Variants in AGAP1 observed in about 807,000 individuals in gnomAD.
AGAP1 encodes ArfGAP with GTPase domain, ankyrin repeat and PH domain 1.
Under a neutral mutation model 105.3 loss-of-function variants are expected in AGAP1, and 29 were observed. That is an observed-to-expected ratio of 0.28 (90% confidence interval 0.21 to 0.38). The LOEUF (loss-of-function observed/expected upper bound fraction) is 0.38, where lower values mean the gene tolerates loss of function less well. Ranked by LOEUF, AGAP1 falls within the 10% of genes least tolerant of loss-of-function variation. The pLI, the probability that AGAP1 is intolerant of heterozygous loss-of-function variation, is 1.00. For missense variants in AGAP1, 998 were observed against 1,165.1 expected, an observed-to-expected ratio of 0.86 and a Z score of 2.09; for synonymous variants, 509 against 485.9, an observed-to-expected ratio of 1.05 and a Z score of -0.63.
intron 1 of AGAP1, among the ~76,000 whole-genome samples, chr2:235,604,210 G>A (rs990761555): frequency 1.3e-5 from 2 of 152,038 alleles, no homozygotes; most frequent in African/African-American, 4.8e-5. Context: ...AGAATAGTGT[G>A]GCTCTTGCCT....
intron 6 of AGAP1, among the ~76,000 whole-genome samples, chr2:235,767,467 C>G (rs549181231): frequency 6.6e-6 from 1 of 151,866 alleles, no homozygotes; most frequent in South Asian, 2.1e-4. Context: ...GTTGCTTTTT[C>G]CGTTGACCAA....
chr2:235,805,500 T>C (rs926356700), intron 8 of AGAP1, among the ~76,000 whole-genome samples: 1 of 152,198 alleles, frequency 6.6e-6, no homozygotes, highest in Non-Finnish European at 1.5e-5. Flanking sequence ...ATTTAGAAAT[T>C]TAGAATTTGT....
intron 9 of AGAP1, among the ~76,000 whole-genome samples, chr2:235,881,200 C>A (rs1229347152): frequency 6.6e-6 from 1 of 152,112 alleles, no homozygotes; most frequent in African/African-American, 2.4e-5. Context: ...AAATAAAAAA[C>A]AGTATTGTCA....
intron 6 of AGAP1, among the ~76,000 whole-genome samples, chr2:235,782,532 G>A (rs1436266966): frequency 1.3e-5 from 2 of 152,172 alleles, no homozygotes; most frequent in African/African-American, 2.4e-5. Context: ...GGGTGCTAAT[G>A]GTTTGGGTTA....
At chr2:235,575,121 T>C (rs992331677) in intron 1 of AGAP1, among the ~76,000 whole-genome samples, 7 of 133,696 alleles carry the variant, frequency 5.2e-5, no homozygotes, top group Admixed American at 2.9e-4. Context: ...AGATCCTGTC[T>C]CGAAAAAACA....
At chr2:235,618,701 T>G (rs562220582) in intron 1 of AGAP1, among the ~76,000 whole-genome samples, 1 of 152,368 alleles carries the variant, frequency 6.6e-6, no homozygotes, top group South Asian at 2.1e-4. Flanking sequence ...ATTACTGAGC[T>G]CTTGTTATGT....
At chr2:236,077,672 G>A (rs1244773036) in intron 16 of AGAP1, among the ~76,000 whole-genome samples, 2 of 152,100 alleles carry the variant, frequency 1.3e-5, no homozygotes, top group Admixed American at 1.3e-4. Context: ...TCCGTCCATG[G>A]TTGAGCCGTC....
intron 1 of AGAP1, among the ~76,000 whole-genome samples, chr2:235,590,583 G>A (rs1945291747): frequency 1.3e-5 from 2 of 151,958 alleles, no homozygotes; most frequent in East Asian, 3.9e-4. Flanking sequence ...CCTGCTTTTC[G>A]AATTTAAAGA....
intron 6 of AGAP1, among the ~76,000 whole-genome samples, chr2:235,771,323 C>G (rs1955427746): frequency 6.6e-6 from 1 of 152,214 alleles, no homozygotes; most frequent in African/African-American, 2.4e-5. Context: ...CCAGGCTGCG[C>G]CATAGGTGCA....
intron 1 of AGAP1, among the ~76,000 whole-genome samples, chr2:235,685,715 G>A (rs1949344904): frequency 6.6e-6 from 1 of 151,866 alleles, no homozygotes; most frequent in Non-Finnish European, 1.5e-5. Flanking sequence ...AGAAATATTT[G>A]GCTCCAGAGC....
intron 9 of AGAP1, among the ~76,000 whole-genome samples, chr2:235,861,063 G>A (rs916867420): frequency 4.6e-5 from 7 of 152,102 alleles, no homozygotes; most frequent in African/African-American, 9.7e-5. Context: ...CAGGAAATGG[G>A]GCATGAAATG....
intron 1 of AGAP1, among the ~76,000 whole-genome samples, chr2:235,504,089 G>T (rs1483020474): frequency 2.0e-5 from 3 of 151,996 alleles, no homozygotes; most frequent in Non-Finnish European, 2.9e-5. Flanking sequence ...TCGCTATGTT[G>T]CCTTGGCCTC....
chr2:235,903,519 G>A (rs972055757), intron 10 of AGAP1, among the ~76,000 whole-genome samples: 3 of 152,158 alleles, frequency 2.0e-5, no homozygotes, highest in Non-Finnish European at 4.4e-5. Context: ...GGTAACCTCC[G>A]GATGTGAGGC....
Position 235,710,842 on chromosome 2 carries a change from A to T in AGAP1, c.222+1605A>T, listed in dbSNP as rs539094061. On this transcript the variant is annotated intron_variant, in intron 2 of 17. Transcript: ENST00000304032. The stretch of plus-strand genomic sequence containing the variant: ...CTGTGATGGGCACGGAACAGTAGTC[A>T]CGGTGGTTTACTGGTGGTGATGGTG... Among the ~76,000 whole-genome samples, 3 of 152,304 alleles carry T rather than the reference A, an allele frequency of 2.0e-5. No individual in the cohort carries two copies. The South Asian group carries it at 6.2e-4, about 32-fold the overall frequency.
chr2:235,761,197 T>A (rs990157994), intron 6 of AGAP1, among the ~76,000 whole-genome samples: 4 of 152,242 alleles, frequency 2.6e-5, no homozygotes, highest in African/African-American at 9.6e-5. Flanking sequence ...TTTAGTGATG[T>A]TGCAGAATAT....
intron 13 of AGAP1, among the ~76,000 whole-genome samples, chr2:236,029,823 C>T (rs1378970062): frequency 6.6e-6 from 1 of 152,112 alleles, no homozygotes; most frequent in Non-Finnish European, 1.5e-5. Flanking sequence ...ACTGCAGCCT[C>T]CATCTCCCAG....
intron 6 of AGAP1, among the ~76,000 whole-genome samples, chr2:235,796,681 A>G (rs2150037100): frequency 6.6e-6 from 1 of 152,344 alleles, no homozygotes; most frequent in Non-Finnish European, 1.5e-5. Context: ...AAAAGAAATT[A>G]TCTGCAAACA....
At chr2:235,702,944 T>TTTTTTTTTTTTTTTTTTTTTTTTTTGTG (rs1446031532) in intron 1 of AGAP1, among the ~76,000 whole-genome samples, 1 of 145,044 alleles carries the variant, frequency 6.9e-6, no homozygotes. Flanking sequence ...GTTTTTTTTT[T>TTTTTTTTTTTTTTTTTTTTTTTTTTGTG]TTGGACAGAG....
rs1286193114 is a variant in AGAP1 at position 235,566,984 on chromosome 2, C to T, written c.163+72135C>T. 6.6e-6 allele frequency among the ~76,000 whole-genome samples: 1 copy of T among 152,210 alleles called. No homozygotes were observed. Among genetic ancestry groups the T allele is most frequent in the Admixed American group, 6.5e-5 (1 of 15,288 alleles). ...TGGTGTCCCATCCAGCTGCATCACT[C>T]CAGTCTCTGCTTCTGTTATCACGTG... On this transcript the variant is annotated intron_variant, in intron 1 of 17. Transcript: ENST00000304032. The surrounding 1 kb of genome is among the most constrained non-coding windows in gnomAD (Gnocchi z 5.2).
Sources: gnomAD v4.1 joint callset for allele counts (sites outside exome capture counted in the v4.1 genomes callset) on GRCh38, gnomAD v4.1.1 for gene constraint, Gnocchi (gnomAD v3.1) non-coding constraint, MANE v1.5 for transcripts, NCBI Gene and HGNC (gene_info 2026-07-23, HGNC 2026-07-21) for gene names.